The following CFAP92 variants were observed in gnomAD, a reference collection of about 807,000 sequenced individuals.
CFAP92 encodes cilia and flagella associated protein 92 (putative), also known as uncharacterized protein CFAP92.
In CFAP92, 86 loss-of-function variants were observed where a neutral mutation model predicts 106.3. The observed-to-expected ratio is 0.81, with a 90% confidence interval of 0.68 to 0.97. The LOEUF (loss-of-function observed/expected upper bound fraction) is 0.97. Among genes scored for constraint, CFAP92 ranks in the 50% least tolerant of loss-of-function variants. CFAP92 has a pLI of 0.00. For missense variants in CFAP92, 1,204 were observed against 1,283.8 expected (o/e 0.94, Z 0.95); for synonymous variants, 477 against 506.4 (o/e 0.94, Z 0.78).
At chr3:128,965,114 A>C (rs1199199719) in intron 9 of CFAP92, among the ~76,000 whole-genome samples, 1 of 152,018 alleles carries the variant, frequency 6.6e-6, no homozygotes, top group Non-Finnish European at 1.5e-5. Context: ...GCCCCACCCT[A>C]ACTGATCAAT....
intron 4 of CFAP92, among the ~76,000 whole-genome samples, chr3:128,985,780 T>A (rs1174865872): frequency 6.6e-6 from 1 of 152,164 alleles, no homozygotes; most frequent in Non-Finnish European, 1.5e-5. Context: ...TTACCTTGAA[T>A]CCCATTTTCT....
chr3:129,015,934 G>A, the CFAP92 span, among the ~76,000 whole-genome samples: 1 of 152,232 alleles, frequency 6.6e-6, no homozygotes, highest in African/African-American at 2.4e-5. Context: ...GTGCTGCAGC[G>A]TGGCCGTGGC....
At chr3:128,985,374 G>A (rs1559931906) in intron 4 of CFAP92, among the ~76,000 whole-genome samples, 1 of 152,140 alleles carries the variant, frequency 6.6e-6, no homozygotes, top group Non-Finnish European at 1.5e-5. Context: ...TGAGGCAGGA[G>A]GAATCACTTG....
intron 12 of CFAP92, among the ~76,000 whole-genome samples, chr3:128,925,605 G>A (rs1390127723): frequency 2.0e-5 from 3 of 152,132 alleles, no homozygotes; most frequent in African/African-American, 7.2e-5. Flanking sequence ...AGTCCCAGGA[G>A]GAGAGGAAGA....
intron 1 of CFAP92, among the ~76,000 whole-genome samples, chr3:129,000,111 G>C (rs961523918): frequency 6.6e-6 from 1 of 152,224 alleles, no homozygotes; most frequent in African/African-American, 2.4e-5. Context: ...TGGACACCAG[G>C]TTGTCTCCAG....
chr3:128,939,370 C>T (rs2107717267), intron 10 of CFAP92, among the ~76,000 whole-genome samples: 1 of 152,222 alleles, frequency 6.6e-6, no homozygotes, highest in Admixed American at 6.5e-5. Flanking sequence ...AACTCCTGAC[C>T]TTGGGTAATT....
At chr3:128,928,945 CTT>C (rs1202707002) in intron 12 of CFAP92, among the ~76,000 whole-genome samples, 1 of 152,076 alleles carries the variant, frequency 6.6e-6, no homozygotes, top group Admixed American at 6.6e-5. Flanking sequence ...AAAAAGACAA[CTT>C]GATTTTAAAA....
chr3:128,937,405 G>T, intron 10 of CFAP92, among the ~76,000 whole-genome samples: 1 of 151,752 alleles, frequency 6.6e-6, no homozygotes, highest in East Asian at 1.9e-4. Flanking sequence ...GAGGTCAGGA[G>T]ATCGAGACCA....
intron 12 of CFAP92, among the ~76,000 whole-genome samples, chr3:128,918,228 G>C (rs1217391433): frequency 6.6e-6 from 1 of 152,220 alleles, no homozygotes; most frequent in Non-Finnish European, 1.5e-5. Context: ...CCAGTACTTT[G>C]GGAAGCCTAG....
intron 4 of CFAP92, among the ~76,000 whole-genome samples, chr3:128,979,947 A>AACAT (rs1553758977): frequency 7.8e-6 from 1 of 128,306 alleles, no homozygotes; most frequent in African/African-American, 3.0e-5. Flanking sequence ...AAAGTATAAT[A>AACAT]ATATATATAT....
chr3:128,910,963 T>C, intron 15 of CFAP92: 1 of 950,374 alleles, frequency 1.1e-6, no homozygotes, highest in South Asian at 1.3e-5. Flanking sequence ...GGCCTGGGCT[T>C]AGCTGCAGCA....
At chr3:129,025,584 A>T in the CFAP92 span, among the ~76,000 whole-genome samples, 2 of 152,124 alleles carry the variant, frequency 1.3e-5, no homozygotes, top group African/African-American at 4.8e-5. Context: ...GGTAGCTGGG[A>T]AAGTCATATG....
chr3:128,958,021 C>T (rs778728228), intron 9 of CFAP92, among the ~76,000 whole-genome samples: 62 of 152,150 alleles, frequency 4.1e-4, no homozygotes, highest in Non-Finnish European at 5.4e-4. Context: ...ATGTGGCGTT[C>T]TCTGTGTGTC....
intron 10 of CFAP92, among the ~76,000 whole-genome samples, chr3:128,943,666 G>C (rs907357612): frequency 6.6e-6 from 1 of 151,952 alleles, no homozygotes; most frequent in Non-Finnish European, 1.5e-5. Flanking sequence ...CTCCCGAGTA[G>C]CTGGGATTAC....
chr3:128,989,537 G>A (rs1234222103), intron 2 of CFAP92, among the ~76,000 whole-genome samples: 1 of 152,098 alleles, frequency 6.6e-6, no homozygotes, highest in Non-Finnish European at 1.5e-5. Context: ...AGGGTGACAG[G>A]ATGTGGAAGG....
intron 10 of CFAP92, among the ~76,000 whole-genome samples, chr3:128,940,908 A>C (rs1195952469): frequency 6.6e-6 from 1 of 152,162 alleles, no homozygotes; most frequent in Non-Finnish European, 1.5e-5. Flanking sequence ...CTTTATTAAC[A>C]TGCGGAAGTT....
chr3:129,000,110 G>A (rs1244519519), intron 1 of CFAP92, among the ~76,000 whole-genome samples: 1 of 152,232 alleles, frequency 6.6e-6, no homozygotes, highest in Non-Finnish European at 1.5e-5. Context: ...ATGGACACCA[G>A]GTTGTCTCCA....
chr3:128,953,138 A>G (rs1398970682), intron 9 of CFAP92, among the ~76,000 whole-genome samples: 1 of 152,200 alleles, frequency 6.6e-6, no homozygotes, highest in Non-Finnish European at 1.5e-5. Context: ...TGCAATAAAA[A>G]AACTCAATAG....
At chr3:129,014,867 A>C in the CFAP92 span, among the ~76,000 whole-genome samples, 1 of 152,112 alleles carries the variant, frequency 6.6e-6, no homozygotes, top group African/African-American at 2.4e-5. The surrounding 1 kb of genome is among the most constrained non-coding windows in gnomAD (Gnocchi z 4.3). Flanking sequence ...GGGGCCAGTG[A>C]GGAGGAGCAG....
Sources: allele counts gnomAD v4.1 joint callset (sites outside exome capture counted in the v4.1 genomes callset), GRCh38; gene constraint gnomAD v4.1.1; non-coding constraint Gnocchi (gnomAD v3.1); transcripts MANE v1.5; gene names NCBI Gene and HGNC (gene_info 2026-07-23, HGNC 2026-07-21).